The following TMEM175 variants were observed in gnomAD, a reference collection of about 807,000 sequenced individuals.
TMEM175 encodes the protein endosomal/lysosomal proton channel TMEM175.
A neutral mutation model predicts 36.5 loss-of-function variants in TMEM175; 36 were observed. That is an observed-to-expected ratio of 0.99 (90% CI 0.76 to 1.30). The LOEUF is 1.30. Ranked by LOEUF, TMEM175 falls within the 50% of genes most tolerant of loss-of-function variation. TMEM175 has a pLI of 0.00. For synonymous variants in TMEM175, 339 were observed against 313.4 expected (o/e 1.08, Z -0.86); for missense variants, 705 against 692.8 (o/e 1.02, Z -0.20).
intron 10 of TMEM175, among the ~76,000 whole-genome samples, chr4:957,369 C>T: frequency 6.6e-6 from 1 of 152,154 alleles, no homozygotes; most frequent in East Asian, 1.9e-4. Flanking sequence ...CCTCCTGAGA[C>T]CCCCATGTGC....
rs768999669 is a variant in TMEM175, at chr4:958,389, C to T, written c.1408C>T (p.Leu470=). ...LLLRLLVGLA[L]ATLRVLRGLA... is the part of the protein sequence containing the mutation. Reference sequence around the variant, plus strand: ...GCTGCGCCTGCTCGTGGGCCTGGCCCTGGCCACCCTGCGGGTCCTGCGGGG... The same window carrying T: ...GCTGCGCCTGCTCGTGGGCCTGGCCTTGGCCACCCTGCGGGTCCTGCGGGG... Residue 470 remains leucine, a synonymous_variant, in exon 11 of 11, where the codon CTG becomes TTG. Coordinates refer to ENST00000264771, the MANE Select transcript of TMEM175 (RefSeq NM_032326.4). The T allele has an allele frequency of 6.2e-7, 1 of 1,601,700 alleles. No individual in the cohort carries two copies. Among genetic ancestry groups the T allele is most frequent in the Admixed American group, 1.7e-5 (1 of 59,988 alleles).
chr4:945,524 T>C (rs1271817034), intron 1 of TMEM175, among the ~76,000 whole-genome samples: 2 of 152,198 alleles, frequency 1.3e-5, no homozygotes, highest in Non-Finnish European at 2.9e-5. Context: ...TGATTGCTAG[T>C]GAAGTGGAAT....
At chr4:951,652 T>G (rs770280802) in intron 5 of TMEM175, 30 bp from the exon 6 acceptor site, 3 of 1,613,976 alleles carry the variant, frequency 1.9e-6, no homozygotes, top group Non-Finnish European at 2.5e-6. Context: ...CCAGGCCGCA[T>G]CATGGCTGTG....
chr4:944,074 C>T (rs1727843710), intron 1 of TMEM175, among the ~76,000 whole-genome samples: 1 of 152,330 alleles, frequency 6.6e-6, no homozygotes, highest in East Asian at 1.9e-4. Context: ...AGGTGGATCA[C>T]CTGAGGTCAG....
intron 3 of TMEM175, chr4:948,508 C>T: frequency 7.1e-7 from 1 of 1,400,554 alleles, no homozygotes; most frequent in Non-Finnish European, 9.4e-7. Context: ...TGCGGGAGGG[C>T]AGCTGCCCCA....
chr4:946,482 G>A (rs1728156114), intron 1 of TMEM175, among the ~76,000 whole-genome samples: 1 of 151,858 alleles, frequency 6.6e-6, no homozygotes, highest in Admixed American at 6.6e-5. Context: ...TGGTTGGCAC[G>A]AGGCTGCCCA....
chr4:948,524 C>T (rs779622329), intron 3 of TMEM175: 2 of 1,384,430 alleles, frequency 1.4e-6, no homozygotes, highest in African/African-American at 1.4e-5. Context: ...CCCCAGCAGG[C>T]AGGCCCCTTA....
chr4:936,389 G>A (rs779914794), intron 1 of TMEM175, among the ~76,000 whole-genome samples: 1 of 151,316 alleles, frequency 6.6e-6, no homozygotes, highest in Non-Finnish European at 1.5e-5. Flanking sequence ...AAGTATCAGA[G>A]TGGAATTCAA....
At chr4:942,487 G>T (rs546596448) in intron 1 of TMEM175, among the ~76,000 whole-genome samples, 3 of 152,238 alleles carry the variant, frequency 2.0e-5, no homozygotes, top group Non-Finnish European at 2.9e-5. Context: ...AAATGTAGGG[G>T]TTTATTTCTG....
In TMEM175 at chr4:955,852, C is replaced by A. The variant is rs1560499115; in HGVS notation, c.804C>A (p.Val268=). The change falls in exon 10 of 11, where the codon GTC becomes GTA. Residue 268 remains valine, a synonymous_variant. Coordinates refer to ENST00000264771, the MANE Select transcript of TMEM175 (RefSeq NM_032326.4). ...GCGTGGAAGCCTTCAGCGACGGAGT[C>A]TACGCCATCGTGGCCACGCTTCTCA... ...KERVEAFSDG[V]YAIVATLLIL... 1 of 1,614,068 alleles carries A rather than the reference C, an allele frequency of 6.2e-7. No homozygotes were observed. Among genetic ancestry groups the A allele is most frequent in the East Asian group, 2.2e-5 (1 of 44,882 alleles).
rs188991969 is a variant in TMEM175 at position 945,356 on chromosome 4, A to G, written c.-31-2353A>G. On this transcript the variant is annotated intron_variant, in intron 1 of 10. Transcript: ENST00000264771. ...TGCTGCCTCAGCTTCTGTTTTCCCC[A>G]CGTCTTTGCCGTCCTGTCGTCTCAC... Among the ~76,000 whole-genome samples, 3 of 150,584 alleles carry G rather than the reference A, an allele frequency of 2.0e-5. No homozygotes were observed. In the East Asian group the frequency reaches 5.9e-4, roughly 30 times the overall value.
At position 946,457 on chromosome 4, in the gene TMEM175, G is replaced by A. The variant is rs565982476; in HGVS notation, c.-31-1252G>A. 7.9e-3 allele frequency among the ~76,000 whole-genome samples: 1,204 copies of A among 152,096 alleles called. 13 individuals carry two copies. The highest frequency in any genetic ancestry group is 0.027 in the African/African-American group (1,137 of 41,464). ...GAGGCTGCCCACTCGGGTGCAGGGT[G>A]AAATCCATAGTGCCTGGTTGGCACG... On this transcript the variant is annotated intron_variant, in intron 1 of 10. Coordinates refer to ENST00000264771, the MANE Select transcript of TMEM175 (RefSeq NM_032326.4).
chr4:955,272 C>T, intron 8 of TMEM175, 133 bp from the exon 9 acceptor site: 1 of 669,118 alleles, frequency 1.5e-6, no homozygotes, highest in Non-Finnish European at 2.7e-6. Context: ...GGGTACTAGG[C>T]CCCATCAGAT....
At chr4:955,699 G>A (rs1326841595) in intron 9 of TMEM175, 56 bp from the exon 10 acceptor site, 2 of 1,591,624 alleles carry the variant, frequency 1.3e-6, no homozygotes, top group East Asian at 4.5e-5. Context: ...CAGCCACGCG[G>A]GCTCTACCTC....
At chr4:942,847 C>T (rs1727690799) in intron 1 of TMEM175, among the ~76,000 whole-genome samples, 2 of 151,950 alleles carry the variant, frequency 1.3e-5, no homozygotes, top group Non-Finnish European at 2.9e-5. Context: ...GCCATGTTGG[C>T]CAGGCTGGTC....
chr4:950,554 C>A, intron 4 of TMEM175, 36 bp downstream of exon 4: 1 of 1,514,774 alleles, frequency 6.6e-7, no homozygotes, highest in Non-Finnish European at 9.2e-7. Context: ...TCCATAGCTG[C>A]TCTCAAGGTT....
At chr4:954,205 T>G (rs1729328479) in intron 8 of TMEM175, among the ~76,000 whole-genome samples, 4 of 152,050 alleles carry the variant, frequency 2.6e-5, no homozygotes, top group Admixed American at 6.6e-5. Flanking sequence ...GCCAGGCTGG[T>G]CTCGAACTCC....
chr4:950,878 A>AT, intron 4 of TMEM175, among the ~76,000 whole-genome samples: 2 of 142,644 alleles, frequency 1.4e-5, no homozygotes, highest in South Asian at 4.7e-4. Flanking sequence ...CAGTAGGTGG[A>AT]GGTGTGGATG....
In TMEM175 at chr4:947,737, G is replaced by T; in HGVS notation, c.-3G>T. 4 of 1,601,428 alleles carry T rather than the reference G, an allele frequency of 2.5e-6. No homozygotes were observed. In the South Asian group the frequency reaches 3.3e-5, roughly 13 times the overall value. On this transcript the variant is annotated 5_prime_UTR_variant, in exon 2 of 11. Coordinates refer to ENST00000264771, the MANE Select transcript of TMEM175 (RefSeq NM_032326.4). ...CCTGTAACCGCCAGGCAGCGGCCCC[G>T]CCATGTCCCAGCCCCGGACCCCAGA... is the stretch of plus-strand genomic sequence containing the variant.
Sources: gnomAD v4.1 joint callset for allele counts (sites outside exome capture counted in the v4.1 genomes callset) on GRCh38, gnomAD v4.1.1 for gene constraint, MANE v1.5 for transcripts, NCBI Gene and HGNC (gene_info 2026-07-23, HGNC 2026-07-21) for gene names.